The following DZIP3 variants were observed in gnomAD, a reference collection of about 807,000 sequenced individuals.
DZIP3 encodes the protein E3 ubiquitin-protein ligase DZIP3.
In DZIP3, 118 loss-of-function variants were observed where a neutral mutation model predicts 162.0. The observed-to-expected ratio is 0.73, with a 90% CI of 0.63 to 0.85. The LOEUF is 0.85. Among genes scored for constraint, DZIP3 ranks in the 40% least tolerant of loss-of-function variants. The pLI, the probability that DZIP3 is intolerant of heterozygous loss-of-function variation, is 0.00. For synonymous variants in DZIP3, 438 were observed against 458.6 expected, an observed-to-expected ratio of 0.96 and a Z score of 0.57; for missense variants, 1,331 against 1,407.0, an observed-to-expected ratio of 0.95 and a Z score of 0.86.
In DZIP3 at chr3:108,662,230, T is replaced by G; in HGVS notation, c.2396T>G (p.Val799Gly). 6.3e-7 allele frequency: 1 copy of G among 1,597,788 alleles called. No homozygotes were observed. The highest frequency in any genetic ancestry group is 1.4e-5 in the African/African-American group (1 of 73,826). The change falls in exon 21 of 33, where the codon GTT becomes GGT. Residue 799 changes from valine to glycine, a missense_variant. Physicochemically the swap from Val to Gly is moderately radical, Grantham distance 109. Around this residue, in one of 2 missense-constraint regions of DZIP3, gnomAD observed 1,278 missense variants for 1,317.1 expected, o/e 0.97. Transcript: ENST00000361582. ...ATTATCGCATCTCTTAATCAACAAG[T>G]TGCTTTTGGAATCAATAAGGTTTCC... ...DKIIASLNQQ[V>G]AFGINKVSKL...
intron 5 of DZIP3, among the ~76,000 whole-genome samples, chr3:108,621,440 A>G (rs1280047014): frequency 1.3e-5 from 2 of 152,212 alleles, no homozygotes; most frequent in Non-Finnish European, 2.9e-5. Context: ...GTATTACAAC[A>G]ATCCATTTAT....
chr3:108,658,303 G>C (rs1266013351), intron 19 of DZIP3, among the ~76,000 whole-genome samples: 1 of 152,198 alleles, frequency 6.6e-6, no homozygotes, highest in Non-Finnish European at 1.5e-5. Flanking sequence ...TCAGACCACA[G>C]TGCAATCAAA....
At chr3:108,601,952 G>A (rs1270143555) in intron 1 of DZIP3, among the ~76,000 whole-genome samples, 1 of 152,146 alleles carries the variant, frequency 6.6e-6, no homozygotes, top group Non-Finnish European at 1.5e-5. Context: ...CAGTCAGGGA[G>A]ATAGATTTGA....
chr3:108,618,001 T>C (rs759229192), intron 5 of DZIP3, among the ~76,000 whole-genome samples: 2 of 152,214 alleles, frequency 1.3e-5, no homozygotes, highest in Non-Finnish European at 2.9e-5. Context: ...AAGCAGTCTA[T>C]TGCTGTATCT....
chr3:108,651,757 T>A (rs1421640311), intron 18 of DZIP3, among the ~76,000 whole-genome samples: 1 of 151,772 alleles, frequency 6.6e-6, no homozygotes, highest in African/African-American at 2.4e-5. Context: ...TTGTGCATGA[T>A]TAATAACAGT....
At chr3:108,632,433 T>G (rs1331642135) in intron 8 of DZIP3, among the ~76,000 whole-genome samples, 3 of 152,114 alleles carry the variant, frequency 2.0e-5, no homozygotes, top group African/African-American at 7.2e-5. Context: ...AATGAGAAAT[T>G]ATATTCTGAT....
chr3:108,605,913 G>T (rs1232050524), intron 2 of DZIP3, among the ~76,000 whole-genome samples: 1 of 152,188 alleles, frequency 6.6e-6, no homozygotes, highest in Admixed American at 6.5e-5. Flanking sequence ...AGACATTTCA[G>T]CAAGTTTGGT....
At chr3:108,651,916 T>C (rs1942886051) in intron 18 of DZIP3, among the ~76,000 whole-genome samples, 1 of 151,806 alleles carries the variant, frequency 6.6e-6, no homozygotes, top group African/African-American at 2.4e-5. Flanking sequence ...CATATTTTGT[T>C]AACTTTAAAG....
At chr3:108,677,450 T>TA in intron 25 of DZIP3, 47 bp from the exon 26 acceptor site, 1 of 1,521,254 alleles carries the variant, frequency 6.6e-7, no homozygotes. Context: ...ATGCTGTCTC[T>TA]TTAAAGTTGG....
At chr3:108,674,334 TC>T (rs1017674905) in intron 24 of DZIP3, among the ~76,000 whole-genome samples, 153 bp downstream of exon 24, 1 of 152,038 alleles carries the variant, frequency 6.6e-6, no homozygotes, top group South Asian at 2.1e-4. Flanking sequence ...TTCATTTTTT[TC>T]CCCCTGAAAT....
intron 17 of DZIP3, 26 bp from the exon 18 acceptor site, chr3:108,651,111 T>C: frequency 1.5e-6 from 1 of 683,848 alleles, no homozygotes; most frequent in Non-Finnish European, 2.1e-6. Flanking sequence ...TTGATATAGA[T>C]TACTAATTCT....
At chr3:108,598,948 A>C (rs1257626225) in intron 1 of DZIP3, among the ~76,000 whole-genome samples, 1 of 152,202 alleles carries the variant, frequency 6.6e-6, no homozygotes, top group Admixed American at 6.5e-5. Flanking sequence ...TATTCATTGT[A>C]GGCACATTCC....
At chr3:108,665,947 G>A (rs188315796) in intron 21 of DZIP3, among the ~76,000 whole-genome samples, 109 of 152,204 alleles carry the variant, frequency 7.2e-4, no homozygotes, top group African/African-American at 2.0e-3. Context: ...ATATCTTACC[G>A]TTAAAGTATG....
intron 21 of DZIP3, among the ~76,000 whole-genome samples, chr3:108,669,471 C>T (rs559088638): frequency 6.6e-6 from 1 of 151,860 alleles, no homozygotes; most frequent in East Asian, 1.9e-4. Context: ...ACTTAGTTCC[C>T]CTTTCTTTGG....
At chr3:108,600,534 GT>G (rs1939949600) in intron 1 of DZIP3, among the ~76,000 whole-genome samples, 1 of 152,080 alleles carries the variant, frequency 6.6e-6, no homozygotes, top group Non-Finnish European at 1.5e-5. Context: ...GTCATGTGAT[GT>G]ATTTGAAAAA....
intron 25 of DZIP3, among the ~76,000 whole-genome samples, chr3:108,676,629 C>T (rs1944121303): frequency 6.6e-6 from 1 of 151,540 alleles, no homozygotes; most frequent in South Asian, 2.1e-4. Flanking sequence ...AAAGCATTGT[C>T]ATTCAGTTGT....
At chr3:108,599,448 A>G (rs1331806344) in intron 1 of DZIP3, among the ~76,000 whole-genome samples, 2 of 152,238 alleles carry the variant, frequency 1.3e-5, no homozygotes, top group African/African-American at 2.4e-5. Context: ...AGTAATCAGT[A>G]TATTTTGTTC....
chr3:108,674,355 C>T (rs754900536), intron 24 of DZIP3, among the ~76,000 whole-genome samples, 174 bp downstream of exon 24: 19 of 151,602 alleles, frequency 1.3e-4, no homozygotes, highest in Non-Finnish European at 2.1e-4. Flanking sequence ...TTCCTTTTAC[C>T]AGAAGCTCTT....
chr3:108,681,728 C>T (rs967822824), intron 26 of DZIP3, among the ~76,000 whole-genome samples: 1 of 151,326 alleles, frequency 6.6e-6, no homozygotes, highest in African/African-American at 2.5e-5. Context: ...GGCAAATATA[C>T]ACCATGGAAT....
Sources: allele counts gnomAD v4.1 joint callset (sites outside exome capture counted in the v4.1 genomes callset), GRCh38; gene constraint gnomAD v4.1.1; regional missense constraint gnomAD v4.1.1; transcripts MANE v1.5; gene names NCBI Gene and HGNC (gene_info 2026-07-23, HGNC 2026-07-21).